MDGA2: variants seen among roughly 807,000 people sequenced by gnomAD.
The protein encoded by MDGA2 is MAM domain containing glycosylphosphatidylinositol anchor 2.
In MDGA2, 40 loss-of-function variants were observed where a neutral mutation model predicts 117.8. The observed-to-expected ratio is 0.34, with a 90% CI of 0.26 to 0.44. The LOEUF is 0.44. Among genes scored for constraint, MDGA2 ranks in the 20% least tolerant of loss-of-function variants. MDGA2 has a pLI of 1.00. For synonymous variants in MDGA2, 452 were observed against 439.0 expected (o/e 1.03, Z -0.37); for missense variants, 1,123 against 1,250.6 (o/e 0.90, Z 1.54).
At chr14:47,578,320 G>A (rs1594926943) in intron 1 of MDGA2, among the ~76,000 whole-genome samples, 1 of 152,068 alleles carries the variant, frequency 6.6e-6, no homozygotes, top group Non-Finnish European at 1.5e-5. Flanking sequence ...CTAAAACCTA[G>A]ATGACAGGTT....
chr14:47,105,242 A>C (rs529588602), intron 5 of MDGA2, among the ~76,000 whole-genome samples: 186 of 151,754 alleles, frequency 1.2e-3, no homozygotes, highest in African/African-American at 4.0e-3. Flanking sequence ...CCAATTGCTT[A>C]TTTCCGCACC....
In MDGA2 at chr14:46,957,547, C is replaced by T. The variant is rs369881713; in HGVS notation, c.1916G>A (p.Arg639Gln). 1.4e-5 allele frequency: 22 copies of T among 1,613,998 alleles called. No individual in the cohort carries two copies. The highest frequency in any genetic ancestry group is 4.0e-5 in the African/African-American group (3 of 74,916). The change falls in exon 9 of 17, where the codon CGG (arginine) becomes CAG (glutamine). Residue 639 changes from arginine to glutamine, a missense_variant. By Grantham distance (43) the Arg-to-Gln change is conservative. Transcript: ENST00000399232. ...SCRVLRAYPI[R>Q]VLTYEWRLGN... ...CAAGCGCCACTCATAGGTCAGCACC[C>T]GTATTGGATAGGCTCTCAGTACTCT...
intron 1 of MDGA2, among the ~76,000 whole-genome samples, chr14:47,563,629 T>A (rs1482190355): frequency 2.1e-5 from 3 of 143,944 alleles, no homozygotes; most frequent in Non-Finnish European, 4.6e-5. Flanking sequence ...ATTTTTTTTT[T>A]CCATCTCTTT....
chr14:47,338,866 G>C (rs1305427577), intron 1 of MDGA2, among the ~76,000 whole-genome samples: 1 of 152,064 alleles, frequency 6.6e-6, no homozygotes, highest in Non-Finnish European at 1.5e-5. Context: ...GAAACTTGAT[G>C]TTAAGCAACA....
intron 9 of MDGA2, among the ~76,000 whole-genome samples, chr14:46,942,794 T>C (rs899430807): frequency 2.5e-4 from 38 of 152,260 alleles, no homozygotes; most frequent in African/African-American, 8.4e-4. Context: ...GTTGTTCATC[T>C]GTTGATGGAT....
intron 2 of MDGA2, among the ~76,000 whole-genome samples, chr14:47,265,782 G>A (rs1320488114): frequency 6.6e-6 from 1 of 152,056 alleles, no homozygotes; most frequent in East Asian, 1.9e-4. Flanking sequence ...TCACATTAGA[G>A]GCCTTCCATG....
chr14:46,965,056 T>C (rs1039443275), intron 8 of MDGA2, among the ~76,000 whole-genome samples: 1 of 138,958 alleles, frequency 7.2e-6, no homozygotes, highest in Non-Finnish European at 1.5e-5. Flanking sequence ...CCCGAGCAGC[T>C]GGGACTACAG....
intron 8 of MDGA2, among the ~76,000 whole-genome samples, chr14:46,995,888 A>T (rs1390854843): frequency 6.6e-6 from 1 of 152,006 alleles, no homozygotes; most frequent in East Asian, 1.9e-4. Context: ...TCTGTATATT[A>T]TATAATATAT....
At chr14:47,239,435 C>G (rs926858499) in intron 2 of MDGA2, among the ~76,000 whole-genome samples, 2 of 151,712 alleles carry the variant, frequency 1.3e-5, no homozygotes, top group African/African-American at 4.8e-5. Context: ...ATGAGAAAAT[C>G]AGCCTTCTCA....
chr14:47,631,384 A>C (rs1897247077), intron 1 of MDGA2, among the ~76,000 whole-genome samples: 1 of 152,180 alleles, frequency 6.6e-6, no homozygotes, highest in Non-Finnish European at 1.5e-5. Context: ...CCTTTCCAGG[A>C]ACCTCCCTAA....
chr14:47,637,943 T>C (rs1897353507), intron 1 of MDGA2, among the ~76,000 whole-genome samples: 1 of 152,182 alleles, frequency 6.6e-6, no homozygotes, highest in Non-Finnish European at 1.5e-5. Context: ...ATGACACAAC[T>C]CTGATTCATT....
At chr14:47,594,793 C>T (rs1196966528) in intron 1 of MDGA2, among the ~76,000 whole-genome samples, 1 of 152,214 alleles carries the variant, frequency 6.6e-6, no homozygotes, top group Non-Finnish European at 1.5e-5. Flanking sequence ...AACTGTGTAA[C>T]CAGAACTGTG....
intron 2 of MDGA2, among the ~76,000 whole-genome samples, chr14:47,267,872 T>G (rs2139692787): frequency 6.6e-6 from 1 of 152,250 alleles, no homozygotes; most frequent in East Asian, 1.9e-4. Flanking sequence ...TAAGTCAAAG[T>G]TATAGTTTCT....
chr14:46,864,066 T>TCCCCCCA (rs1369369616), intron 14 of MDGA2, among the ~76,000 whole-genome samples: 25 of 48,892 alleles, frequency 5.1e-4, no homozygotes, highest in African/African-American at 1.8e-3. Context: ...CCCTCCCCCC[T>TCCCCCCA]CCCCCCACCC....
At chr14:46,915,632 G>A (rs1158785741) in intron 10 of MDGA2, among the ~76,000 whole-genome samples, 1 of 152,132 alleles carries the variant, frequency 6.6e-6, no homozygotes, top group Non-Finnish European at 1.5e-5. Flanking sequence ...TGAGGAAGGA[G>A]AAAAGCATCA....
intron 1 of MDGA2, among the ~76,000 whole-genome samples, chr14:47,394,673 A>G (rs1891968512): frequency 6.6e-6 from 1 of 152,168 alleles, no homozygotes; most frequent in African/African-American, 2.4e-5. Context: ...GTAACATTTT[A>G]ATTTGAGAAT....
intron 7 of MDGA2, among the ~76,000 whole-genome samples, chr14:47,038,451 A>T (rs1888938723): frequency 6.6e-6 from 1 of 152,172 alleles, no homozygotes; most frequent in Non-Finnish European, 1.5e-5. Context: ...TTATCATGCT[A>T]AATATTTCAA....
chr14:47,567,509 T>C (rs1895941398), intron 1 of MDGA2, among the ~76,000 whole-genome samples: 1 of 151,976 alleles, frequency 6.6e-6, no homozygotes, highest in South Asian at 2.1e-4. Flanking sequence ...TCTGAGCTCA[T>C]TCCAACTATG....
At chr14:46,861,527 T>C (rs1881506736) in intron 14 of MDGA2, among the ~76,000 whole-genome samples, 1 of 151,930 alleles carries the variant, frequency 6.6e-6, no homozygotes, top group Non-Finnish European at 1.5e-5. Context: ...AGGTGTAAAT[T>C]ATCCCAGAGG....
Sources: allele counts gnomAD v4.1 joint callset (sites outside exome capture counted in the v4.1 genomes callset), GRCh38; gene constraint gnomAD v4.1.1; transcripts MANE v1.5; gene names NCBI Gene and HGNC (gene_info 2026-07-23, HGNC 2026-07-21).